The following RANBP2 variants were observed in gnomAD, a reference collection of about 807,000 sequenced individuals.
RANBP2 encodes RAN binding protein 2.
Under a neutral mutation model 303.6 loss-of-function variants are expected in RANBP2, and 57 were observed. The ratio of observed to expected loss-of-function variants is 0.19; its 90% CI spans 0.15 to 0.23. RANBP2 has a LOEUF of 0.23. Ranked by LOEUF, RANBP2 falls within the 10% of genes least tolerant of loss-of-function variation. The pLI is 1.00. For missense variants in RANBP2, 3,138 were observed against 3,780.8 expected (o/e 0.83, Z 4.46); for synonymous variants, 1,167 against 1,301.5 (o/e 0.90, Z 2.23).
At chr2:109,315,422 G>C in the RANBP2 span, among the ~76,000 whole-genome samples, 1 of 152,238 alleles carries the variant, frequency 6.6e-6, no homozygotes, top group South Asian at 2.1e-4. Context: ...ATCTCTGTAG[G>C]ATAGTTGCAG....
chr2:109,613,974 C>CG, the RANBP2 span: 1 of 966,320 alleles, frequency 1.0e-6, no homozygotes. Flanking sequence ...GGGACAGGGG[C>CG]GGGGCCGAGC....
At chr2:108,742,461 G>T (rs1276311726) in intron 7 of RANBP2, among the ~76,000 whole-genome samples, 15 of 151,870 alleles carry the variant, frequency 9.9e-5, no homozygotes, top group Admixed American at 9.8e-4. Context: ...ACACCACCAT[G>T]CCTGGCTAAT....
the RANBP2 span, among the ~76,000 whole-genome samples, chr2:109,101,521 C>G: frequency 6.6e-6 from 1 of 152,170 alleles, no homozygotes; most frequent in Non-Finnish European, 1.5e-5. Context: ...GAGCGAGACT[C>G]TGTCTCAAAA....
At chr2:109,436,911 A>G in the RANBP2 span, 8 of 1,613,520 alleles carry the variant, frequency 5.0e-6, no homozygotes, top group East Asian at 2.2e-5. Context: ...CAGGAGGGGC[A>G]GGGCCGCCCC....
chr2:108,732,376 A>G (rs970403335), intron 4 of RANBP2, among the ~76,000 whole-genome samples: 3 of 152,166 alleles, frequency 2.0e-5, no homozygotes, highest in African/African-American at 4.8e-5. Context: ...CATGATGCTC[A>G]AAGGAAATGC....
the RANBP2 span, among the ~76,000 whole-genome samples, chr2:109,481,251 G>A: frequency 6.6e-6 from 1 of 152,350 alleles, no homozygotes; most frequent in East Asian, 1.9e-4. Context: ...GTCTCTCTGT[G>A]CTCAAGCTCC....
At chr2:109,298,647 C>T in the RANBP2 span, among the ~76,000 whole-genome samples, 10 of 152,106 alleles carry the variant, frequency 6.6e-5, no homozygotes, top group Non-Finnish European at 1.2e-4. Flanking sequence ...GGAGCACACC[C>T]GTTCCGTGCT....
At chr2:109,129,991 G>T in the RANBP2 span, 2 of 1,295,236 alleles carry the variant, frequency 1.5e-6, no homozygotes, top group Non-Finnish European at 1.9e-6. Flanking sequence ...CACGCTCGCG[G>T]GCGGCGGGGG....
the RANBP2 span, among the ~76,000 whole-genome samples, chr2:108,924,626 G>A: frequency 6.6e-6 from 1 of 152,152 alleles, no homozygotes; most frequent in Non-Finnish European, 1.5e-5. Context: ...GGGGTCTGTG[G>A]GCTCCTGCCT....
chr2:108,854,308 T>C, the RANBP2 span, among the ~76,000 whole-genome samples: 1 of 151,532 alleles, frequency 6.6e-6, no homozygotes, highest in Non-Finnish European at 1.5e-5. Context: ...CAGTATAATG[T>C]AGTAGTTACT....
the RANBP2 span, among the ~76,000 whole-genome samples, chr2:109,541,622 C>T: frequency 2.0e-3 from 298 of 152,330 alleles, no homozygotes; most frequent in African/African-American, 6.9e-3. Context: ...CTGGCCCTTA[C>T]CGGAGCCCCA....
the RANBP2 span, among the ~76,000 whole-genome samples, chr2:109,402,726 G>A: frequency 2.2e-4 from 34 of 152,364 alleles, no homozygotes; most frequent in African/African-American, 7.9e-4. Context: ...ATGGTGAAGT[G>A]TACAAGGCTG....
the RANBP2 span, among the ~76,000 whole-genome samples, chr2:108,851,459 GC>G: frequency 6.6e-6 from 1 of 152,060 alleles, no homozygotes; most frequent in Non-Finnish European, 1.5e-5. Context: ...CTGCCACCAT[GC>G]CCAGCTAATT....
chr2:109,495,264 G>A, the RANBP2 span, among the ~76,000 whole-genome samples: 2 of 152,198 alleles, frequency 1.3e-5, no homozygotes, highest in African/African-American at 2.4e-5. Context: ...GGTTAGAACC[G>A]TCTAATGCCC....
At chr2:109,170,415 G>A in the RANBP2 span, among the ~76,000 whole-genome samples, 1 of 151,054 alleles carries the variant, frequency 6.6e-6, no homozygotes, top group Non-Finnish European at 1.5e-5. Flanking sequence ...GCACAATCTC[G>A]GCTCACTGCA....
chr2:108,744,049 T>C (rs1696318446), intron 7 of RANBP2, among the ~76,000 whole-genome samples: 1 of 152,224 alleles, frequency 6.6e-6, no homozygotes, highest in Admixed American at 6.5e-5. Context: ...ACTGTGGTTC[T>C]AGTAAGTGCA....
the RANBP2 span, among the ~76,000 whole-genome samples, chr2:109,489,805 T>G: frequency 6.6e-6 from 1 of 152,142 alleles, no homozygotes; most frequent in Non-Finnish European, 1.5e-5. Flanking sequence ...TGGCGCAATC[T>G]CAGCTCACTG....
chr2:109,078,711 G>C, the RANBP2 span, among the ~76,000 whole-genome samples: 5 of 147,738 alleles, frequency 3.4e-5, 1 homozygote, highest in Non-Finnish European at 7.6e-5. Flanking sequence ...GGCCGGGCGC[G>C]TTGGTGCGCG....
chr2:109,202,133 G>A, the RANBP2 span, among the ~76,000 whole-genome samples: 7 of 152,148 alleles, frequency 4.6e-5, no homozygotes, highest in African/African-American at 1.7e-4. Flanking sequence ...TGACAGATCA[G>A]CATATGGACG....
Sources: gnomAD v4.1 joint callset for allele counts (sites outside exome capture counted in the v4.1 genomes callset) on GRCh38, gnomAD v4.1.1 for gene constraint, MANE v1.5 for transcripts, NCBI Gene and HGNC (gene_info 2026-07-23, HGNC 2026-07-21) for gene names.